ARFGEF1: variants seen among roughly 807,000 people sequenced by gnomAD.
The protein encoded by ARFGEF1 is ARF guanine nucleotide exchange factor 1, also known as brefeldin A-inhibited guanine nucleotide-exchange protein 1.
In ARFGEF1, 42 loss-of-function variants were observed where a neutral mutation model predicts 231.0. The ratio of observed to expected loss-of-function variants is 0.18; its 90% CI spans 0.14 to 0.24. The LOEUF is 0.24. Ranked by LOEUF, ARFGEF1 falls within the 10% of genes least tolerant of loss-of-function variation. ARFGEF1 has a pLI of 1.00. For missense variants in ARFGEF1, 1,345 were observed against 2,192.0 expected, an observed-to-expected ratio of 0.61 and a Z score of 7.72; for synonymous variants, 710 against 732.3, an observed-to-expected ratio of 0.97 and a Z score of 0.49.
chr8:67,320,173 G>A (rs916657132), intron 1 of ARFGEF1, among the ~76,000 whole-genome samples: 4 of 136,920 alleles, frequency 2.9e-5, no homozygotes, highest in East Asian at 2.2e-4. Flanking sequence ...GCAGTGAGCC[G>A]AGATCGCACC....
At chr8:67,240,854 G>A (rs1283252009) in intron 19 of ARFGEF1, among the ~76,000 whole-genome samples, 1 of 152,036 alleles carries the variant, frequency 6.6e-6, no homozygotes, top group Non-Finnish European at 1.5e-5. Flanking sequence ...ATACACTGTG[G>A]AAGACAACAA....
At position 67,218,213 on chromosome 8, in the gene ARFGEF1, T is replaced by A. The variant is rs1192411502; in HGVS notation, c.4339-75A>T. On this transcript the variant is annotated intron_variant, in intron 30 of 38. Transcript: ENST00000262215. Reference sequence around the variant, plus strand: ...GATTAAAAAAAAAAAAAAAAATATATATATATATATATATATATATAAATG... The same window carrying A: ...GATTAAAAAAAAAAAAAAAAATATAAATATATATATATATATATATAAATG... 2.8e-3 allele frequency: 507 copies of A among 179,312 alleles called. 1 individual carries two copies. The highest frequency in any genetic ancestry group is 4.7e-3 in the Middle Eastern group (2 of 422). 11.1% of individuals were successfully genotyped at this position (179,312 alleles called of 1,614,324 possible).
intron 30 of ARFGEF1, 54 bp from the exon 31 acceptor site, chr8:67,218,192 A>C: frequency 1.1e-5 from 1 of 87,912 alleles, no homozygotes; most frequent in Non-Finnish European, 1.7e-5. Context: ...TACTATGATT[A>C]AAAAAAAAAA....
intron 10 of ARFGEF1, among the ~76,000 whole-genome samples, chr8:67,268,272 TC>T (rs1412553186): frequency 6.6e-6 from 1 of 152,182 alleles, no homozygotes. Context: ...TATCAGTATC[TC>T]CTATAGACTG....
chr8:67,342,882 C>T (rs1808709008), intron 1 of ARFGEF1, among the ~76,000 whole-genome samples: 1 of 152,210 alleles, frequency 6.6e-6, no homozygotes, highest in South Asian at 2.1e-4. Context: ...ACAAAATCCT[C>T]TCACTCTCAA....
intron 19 of ARFGEF1, among the ~76,000 whole-genome samples, chr8:67,251,004 C>T (rs1388896142): frequency 1.3e-5 from 2 of 152,186 alleles, no homozygotes; most frequent in Non-Finnish European, 2.9e-5. Context: ...TTAAGCATAA[C>T]TCATTTAGAG....
chr8:67,310,744 C>A (rs1307300691), intron 1 of ARFGEF1, among the ~76,000 whole-genome samples: 1 of 151,876 alleles, frequency 6.6e-6, no homozygotes, highest in East Asian at 2.0e-4. Context: ...CTCTGCCCGG[C>A]CGCGACCCCG....
chr8:67,306,797 A>G lies in ARFGEF1; in HGVS notation c.125-4331T>C, dbSNP rs566966586. ...TGTTTGTTTTGCTTTCCTTTTTTTC[A>G]GACAGAGTCTCACTCTGTTGCCCAG... On this transcript the variant is annotated intron_variant, in intron 1 of 38. Transcript: ENST00000262215. Among the ~76,000 whole-genome samples the G allele has an allele frequency of 2.6e-5, 4 of 152,252 alleles. No homozygotes were observed. In the South Asian group the frequency reaches 8.3e-4, roughly 32 times the overall value.
At chr8:67,335,460 A>G (rs946042502) in intron 1 of ARFGEF1, among the ~76,000 whole-genome samples, 2 of 152,108 alleles carry the variant, frequency 1.3e-5, no homozygotes, top group African/African-American at 2.4e-5. Flanking sequence ...GATTTGAAGG[A>G]TTCGTTTATA....
intron 1 of ARFGEF1, among the ~76,000 whole-genome samples, chr8:67,311,355 G>T (rs1232680651): frequency 8.2e-6 from 1 of 121,304 alleles, no homozygotes; most frequent in East Asian, 2.8e-4. Context: ...CTGCCCGGCC[G>T]CCCCTACTGG....
At chr8:67,342,258 T>C (rs1349668908) in intron 1 of ARFGEF1, among the ~76,000 whole-genome samples, 1 of 152,222 alleles carries the variant, frequency 6.6e-6, no homozygotes, top group Non-Finnish European at 1.5e-5. Flanking sequence ...GATCTAACAA[T>C]GTTCCCCCTT....
At chr8:67,306,760 G>C (rs957092974) in intron 1 of ARFGEF1, among the ~76,000 whole-genome samples, 1 of 151,904 alleles carries the variant, frequency 6.6e-6, no homozygotes, top group Admixed American at 6.5e-5. Context: ...AAAGCAAATG[G>C]ATAGTTTTGT....
intron 33 of ARFGEF1, among the ~76,000 whole-genome samples, chr8:67,212,993 T>A (rs1587052932): frequency 6.6e-6 from 1 of 152,180 alleles, no homozygotes; most frequent in East Asian, 1.9e-4. Context: ...TTAGGTATAT[T>A]GTTTTCTCAA....
At chr8:67,181,518 T>G (rs142531370) in intron 5 of ARFGEF1, among the ~76,000 whole-genome samples, 2 of 152,004 alleles carry the variant, frequency 1.3e-5, no homozygotes, top group African/African-American at 2.4e-5. Context: ...TGTTGGAGTA[T>G]TGCATGACAC....
At chr8:67,267,027 T>C (rs1477468032) in intron 12 of ARFGEF1, 43 bp from the exon 13 acceptor site, 2 of 1,610,272 alleles carry the variant, frequency 1.2e-6, no homozygotes, top group Non-Finnish European at 8.5e-7. Context: ...AAAGGTCTTT[T>C]AAGGAAAACA....
chr8:67,335,262 C>T (rs1410248523), intron 1 of ARFGEF1, among the ~76,000 whole-genome samples: 1 of 151,922 alleles, frequency 6.6e-6, no homozygotes, highest in African/African-American at 2.4e-5. Flanking sequence ...CCCGCCACTA[C>T]GACTGGCTAA....
chr8:67,184,099 G>A lies in ARFGEF1; in HGVS notation c.561-8527C>T, dbSNP rs1051353005. Among the ~76,000 whole-genome samples the A allele has an allele frequency of 1.3e-4, 19 of 151,922 alleles. 1 individual carries two copies. The highest frequency in any genetic ancestry group is 1.0e-3 in the Admixed American group (16 of 15,264). The stretch of plus-strand genomic sequence containing the variant: ...AACTCCTGACCTCAGGTGATCCCCC[G>A]GCCTTGGCCTCCCAAAGTGCTGGGA... On this transcript the variant is annotated intron_variant, in intron 5 of 5. Coordinates refer to the ARFGEF1 transcript ENST00000518789.
In ARFGEF1 at chr8:67,218,201, A is replaced by AAAAG. The variant is rs1554635963; in HGVS notation, c.4339-64_4339-63insCTTT. ...ATCAACTACTATGATTAAAAAAAAA[A>AAAAG]AAAAAAATATATATATATATATATA... On this transcript the variant is annotated intron_variant, in intron 30 of 38. Coordinates refer to ENST00000262215, the MANE Select transcript of ARFGEF1 (RefSeq NM_006421.5). 9 of 180,608 alleles carry AAAAG rather than the reference A, an allele frequency of 5.0e-5. No individual in the cohort carries two copies. The African/African-American group carries it at 5.5e-4, about 11-fold the overall frequency. 11.2% of individuals were successfully genotyped at this position (180,608 alleles called of 1,614,324 possible).
At chr8:67,194,495 A>AT (rs1278695814), downstream of ARFGEF1, among the ~76,000 whole-genome samples, 1 of 152,178 alleles carries the variant, frequency 6.6e-6, no homozygotes, top group Non-Finnish European at 1.5e-5. Context: ...GCTATAAGGC[A>AT]TTTTCTTTTA....
Sources: gnomAD v4.1 joint callset for allele counts (sites outside exome capture counted in the v4.1 genomes callset) on GRCh38, gnomAD v4.1.1 for gene constraint, MANE v1.5 for transcripts, NCBI Gene and HGNC (gene_info 2026-07-23, HGNC 2026-07-21) for gene names.